FHIT: variants seen among roughly 807,000 people sequenced by gnomAD.
FHIT encodes the protein bis(5'-adenosyl)-triphosphatase.
In FHIT, 19 loss-of-function variants were observed where a neutral mutation model predicts 17.9. That is an observed-to-expected ratio of 1.06 (90% CI 0.74 to 1.56). The LOEUF is 1.56. FHIT is among the 40% of genes most tolerant of loss of function. FHIT has a pLI of 0.00. For synonymous variants in FHIT, 81 were observed against 69.7 expected, an observed-to-expected ratio of 1.16 and a Z score of -0.81; for missense variants, 248 against 189.2, an observed-to-expected ratio of 1.31 and a Z score of -1.82.
chr3:60,417,797 C>T lies in FHIT; in HGVS notation c.103+119063G>A, dbSNP rs1030852383. 3.3e-5 allele frequency among the ~76,000 whole-genome samples: 5 copies of T among 152,156 alleles called. No homozygotes were observed. In the East Asian group the frequency reaches 5.8e-4, roughly 18 times the overall value. ...CTCAACACCTGTTAACTGTGATTAACGGCCCTGGCTAATTATGTGTTAAGA... is the reference window on the plus strand; with the variant it reads ...CTCAACACCTGTTAACTGTGATTAATGGCCCTGGCTAATTATGTGTTAAGA... On this transcript the variant is annotated intron_variant, in intron 5 of 9. Coordinates refer to ENST00000492590, the MANE Select transcript of FHIT (RefSeq NM_002012.4).
chr3:60,425,260 G>A (rs568385699), intron 5 of FHIT, among the ~76,000 whole-genome samples: 1 of 152,242 alleles, frequency 6.6e-6, no homozygotes, highest in Non-Finnish European at 1.5e-5. Context: ...ATGAACTGTG[G>A]TTGGCACTAA....
At chr3:61,175,242 A>G (rs1300294881) in intron 2 of FHIT, among the ~76,000 whole-genome samples, 1 of 152,210 alleles carries the variant, frequency 6.6e-6, no homozygotes, top group Non-Finnish European at 1.5e-5. Context: ...CAGTAGTTCA[A>G]GTAATTTAAA....
intron 5 of FHIT, among the ~76,000 whole-genome samples, chr3:60,317,411 T>C (rs887928882): frequency 6.6e-6 from 1 of 151,836 alleles, no homozygotes; most frequent in Non-Finnish European, 1.5e-5. Context: ...ATTCCTCTGA[T>C]GCTCATCACA....
intron 3 of FHIT, among the ~76,000 whole-genome samples, chr3:60,930,641 C>A (rs1285658371): frequency 2.0e-5 from 3 of 152,148 alleles, no homozygotes; most frequent in African/African-American, 4.8e-5. Flanking sequence ...CCATCAGAGA[C>A]ATGCAAATCA....
intron 3 of FHIT, among the ~76,000 whole-genome samples, chr3:60,951,502 C>T (rs1292597825): frequency 6.6e-6 from 1 of 152,142 alleles, no homozygotes; most frequent in African/African-American, 2.4e-5. Flanking sequence ...AAAAACCTAG[C>T]AGGGTAAAAC....
intron 5 of FHIT, among the ~76,000 whole-genome samples, chr3:60,390,221 T>C (rs1701165959): frequency 6.6e-6 from 1 of 152,100 alleles, no homozygotes; most frequent in South Asian, 2.1e-4. Context: ...GGTATCAGTA[T>C]ATGGATAACA....
At chr3:60,028,384 T>G (rs1401451339) in intron 5 of FHIT, among the ~76,000 whole-genome samples, 1 of 152,220 alleles carries the variant, frequency 6.6e-6, no homozygotes, top group East Asian at 1.9e-4. Context: ...CTACTAGCTC[T>G]TCAATTCACA....
At chr3:61,212,266 C>A (rs964572522) in intron 1 of FHIT, among the ~76,000 whole-genome samples, 2 of 151,940 alleles carry the variant, frequency 1.3e-5, no homozygotes, top group African/African-American at 4.8e-5. Flanking sequence ...AAAATTTAGA[C>A]GATTGTATAA....
intron 4 of FHIT, among the ~76,000 whole-genome samples, chr3:60,807,331 T>C (rs1553734595): frequency 6.6e-6 from 1 of 151,800 alleles, no homozygotes; most frequent in Admixed American, 6.6e-5. Context: ...TAAAATATTT[T>C]CTAGGCTGAA....
chr3:59,998,614 T>C (rs1699609304), intron 7 of FHIT, among the ~76,000 whole-genome samples: 1 of 152,088 alleles, frequency 6.6e-6, no homozygotes, highest in African/African-American at 2.4e-5. Flanking sequence ...AACTGACACT[T>C]GGTGAAGAAA....
intron 4 of FHIT, among the ~76,000 whole-genome samples, chr3:60,796,357 T>C (rs1575535924): frequency 6.6e-6 from 1 of 152,180 alleles, no homozygotes; most frequent in Admixed American, 6.5e-5. Context: ...TTTTTTCCAG[T>C]TTTTTGGCTG....
At chr3:60,149,262 G>C (rs909130450) in intron 5 of FHIT, among the ~76,000 whole-genome samples, 2 of 151,818 alleles carry the variant, frequency 1.3e-5, no homozygotes, top group African/African-American at 4.8e-5. Context: ...CCATCAACTA[G>C]AACTCAAAGA....
chr3:60,475,247 T>C (rs763558584), intron 5 of FHIT, among the ~76,000 whole-genome samples: 1 of 152,156 alleles, frequency 6.6e-6, no homozygotes, highest in African/African-American at 2.4e-5. Context: ...TCCATTGTAC[T>C]GAAAAGGAGA....
At chr3:60,947,072 T>C (rs1319121397) in intron 3 of FHIT, among the ~76,000 whole-genome samples, 1 of 152,200 alleles carries the variant, frequency 6.6e-6, no homozygotes, top group South Asian at 2.1e-4. Flanking sequence ...AAAATTCTTC[T>C]TAATCTCTGA....
At chr3:60,316,256 G>C (rs148127467) in intron 5 of FHIT, among the ~76,000 whole-genome samples, 366 of 152,168 alleles carry the variant, frequency 2.4e-3, no homozygotes, top group African/African-American at 7.9e-3. Flanking sequence ...CTCTTTCTGG[G>C]TGTATGGCAG....
At chr3:61,203,513 G>C (rs1329113674) in intron 1 of FHIT, among the ~76,000 whole-genome samples, 6 of 152,086 alleles carry the variant, frequency 3.9e-5, no homozygotes, top group Non-Finnish European at 8.8e-5. Context: ...GCTTGAATAA[G>C]CGGGAATTTA....
chr3:60,669,828 C>T (rs1553693394), intron 4 of FHIT, among the ~76,000 whole-genome samples: 1 of 152,126 alleles, frequency 6.6e-6, no homozygotes, highest in African/African-American at 2.4e-5. Flanking sequence ...AGACCCTGGG[C>T]AATTGAGTTC....
chr3:60,282,687 T>G (rs1707518110), intron 5 of FHIT, among the ~76,000 whole-genome samples: 1 of 152,136 alleles, frequency 6.6e-6, no homozygotes, highest in South Asian at 2.1e-4. Context: ...GGGGGAATAG[T>G]GGCGACACGG....
intron 3 of FHIT, among the ~76,000 whole-genome samples, chr3:60,970,412 G>A (rs1709957312): frequency 6.6e-6 from 1 of 152,012 alleles, no homozygotes; most frequent in Non-Finnish European, 1.5e-5. Context: ...TAATAATCCA[G>A]TCTAATAATC....
Sources: allele counts gnomAD v4.1 joint callset (sites outside exome capture counted in the v4.1 genomes callset), GRCh38; gene constraint gnomAD v4.1.1; transcripts MANE v1.5; gene names NCBI Gene and HGNC (gene_info 2026-07-23, HGNC 2026-07-21).